RBFOX1: variants seen among roughly 807,000 people sequenced by gnomAD.
RBFOX1 encodes RNA binding fox-1 homolog 1, also known as RNA binding protein fox-1 homolog 1.
RBFOX1 carries 8 observed loss-of-function variants against 57.7 expected under a neutral mutation model. The observed-to-expected ratio is 0.14, with a 90% CI of 0.08 to 0.25. RBFOX1 has a LOEUF of 0.25. RBFOX1 is among the 10% of genes least tolerant of loss of function. RBFOX1 has a pLI of 1.00. For missense variants in RBFOX1, 611 were observed against 548.5 expected, an observed-to-expected ratio of 1.11 and a Z score of -1.14; for synonymous variants, 326 against 222.4, an observed-to-expected ratio of 1.47 and a Z score of -4.15.
intron 1 of RBFOX1, among the ~76,000 whole-genome samples, chr16:6,155,448 A>G (rs2096831710): frequency 6.6e-6 from 1 of 152,206 alleles, no homozygotes; most frequent in Non-Finnish European, 1.5e-5. Context: ...CGTGTGTTTT[A>G]TGATCCGGAA....
At chr16:6,094,088 A>G (rs1027273185) in intron 1 of RBFOX1, among the ~76,000 whole-genome samples, 6 of 152,140 alleles carry the variant, frequency 3.9e-5, no homozygotes, top group African/African-American at 1.4e-4. Context: ...TTGCCATTGA[A>G]AAGACCCCAA....
intron 3 of RBFOX1, among the ~76,000 whole-genome samples, 188 bp downstream of exon 3, chr16:6,654,838 A>T (rs1376768395): frequency 6.6e-6 from 1 of 152,056 alleles, no homozygotes; most frequent in Non-Finnish European, 1.5e-5. Context: ...GTTACTTCTG[A>T]TGGCTTCATG....
rs116044466 is a variant in RBFOX1 at position 6,412,358 on chromosome 16, T to C, written c.-64+95301T>C. On this transcript the variant is annotated intron_variant, in intron 2 of 15. Transcript: ENST00000550418. ...CGCTGGTAGATTTCCTCTGGTCAAC[T>C]TGGATTTCAGTCTTCCGTTTCTACC... 8.9e-3 allele frequency among the ~76,000 whole-genome samples: 1,360 copies of C among 152,276 alleles called. 21 individuals carry two copies. Among genetic ancestry groups the C allele is most frequent in the African/African-American group, 0.03 (1,265 of 41,550 alleles).
intron 3 of RBFOX1, among the ~76,000 whole-genome samples, chr16:6,895,434 GTGTGTGTGTGTGTGTA>G (rs1391904473): frequency 8.7e-5 from 8 of 91,666 alleles, no homozygotes; most frequent in South Asian, 8.3e-4. Context: ...GTGTGTGTGT[GTGTGTGTGTGTGTGTA>G]TATATATATA....
intron 4 of RBFOX1, among the ~76,000 whole-genome samples, chr16:7,294,278 A>G (rs1255689743): frequency 6.6e-6 from 1 of 152,094 alleles, no homozygotes; most frequent in Non-Finnish European, 1.5e-5. Context: ...CACTGGAAAC[A>G]GACTCCCACC....
At chr16:5,705,802 T>C (rs1418983294) in intron 3 of RBFOX1, among the ~76,000 whole-genome samples, 1 of 152,246 alleles carries the variant, frequency 6.6e-6, no homozygotes, top group African/African-American at 2.4e-5. Context: ...GTGCGAGGCC[T>C]CTTGGCTTTG....
At chr16:6,306,008 T>C (rs1416893883) in intron 1 of RBFOX1, among the ~76,000 whole-genome samples, 1 of 152,108 alleles carries the variant, frequency 6.6e-6, no homozygotes, top group Non-Finnish European at 1.5e-5. Context: ...ATGTGGTTTC[T>C]TTCTAGAATT....
At chr16:6,987,412 C>G (rs191689580) in intron 3 of RBFOX1, among the ~76,000 whole-genome samples, 11 of 150,314 alleles carry the variant, frequency 7.3e-5, no homozygotes, top group South Asian at 2.1e-4. Flanking sequence ...GGTTATCTCC[C>G]GAGCCACTAG....
intron 1 of RBFOX1, among the ~76,000 whole-genome samples, chr16:6,219,969 A>G (rs184603017): frequency 1.6e-4 from 24 of 152,306 alleles, no homozygotes; most frequent in African/African-American, 5.1e-4. Flanking sequence ...TAACATAAGT[A>G]TTCAGTAAAT....
intron 4 of RBFOX1, among the ~76,000 whole-genome samples, chr16:7,190,186 C>T (rs1014675859): frequency 6.6e-6 from 1 of 152,048 alleles, no homozygotes; most frequent in Non-Finnish European, 1.5e-5. Flanking sequence ...CATGGTGAAA[C>T]CCCGTCTCTA....
chr16:5,364,102 A>G, intron 1 of RBFOX1, among the ~76,000 whole-genome samples: 1 of 152,222 alleles, frequency 6.6e-6, no homozygotes. Context: ...GGTCCCCTTA[A>G]TTAGGAAGGT....
chr16:6,656,426 G>A (rs1034686098), intron 3 of RBFOX1, among the ~76,000 whole-genome samples: 23 of 152,134 alleles, frequency 1.5e-4, no homozygotes, highest in African/African-American at 5.3e-4. Flanking sequence ...TCTGGGCAAG[G>A]AGAGTCACCC....
At chr16:5,570,614 A>C (rs1345246233) in intron 2 of RBFOX1, among the ~76,000 whole-genome samples, 1 of 152,084 alleles carries the variant, frequency 6.6e-6, no homozygotes, top group African/African-American at 2.4e-5. Flanking sequence ...CCAAGGAAGA[A>C]GGATCACCTG....
intron 2 of RBFOX1, among the ~76,000 whole-genome samples, chr16:6,376,345 C>T (rs548893324): frequency 2.0e-5 from 3 of 152,064 alleles, no homozygotes; most frequent in African/African-American, 7.2e-5. Context: ...CAAAGTATCA[C>T]AAACTAGGTG....
chr16:6,891,066 C>T (rs970901208), intron 3 of RBFOX1, among the ~76,000 whole-genome samples: 1 of 152,174 alleles, frequency 6.6e-6, no homozygotes, highest in African/African-American at 2.4e-5. Flanking sequence ...CCCGTCCCTT[C>T]ACAATTGTTT....
At position 6,567,983 on chromosome 16, in the gene RBFOX1, G is replaced by A. The variant is rs1319060885; in HGVS notation, c.-63-86620G>A. ...CTACAGGCGCATGCCACCATGCCAG[G>A]CTAATTATTTAAATTCTTTGTAGAG... On this transcript the variant is annotated intron_variant, in intron 2 of 15. Coordinates refer to ENST00000550418, the MANE Select transcript of RBFOX1 (RefSeq NM_018723.4). 2.6e-5 allele frequency among the ~76,000 whole-genome samples: 4 copies of A among 152,182 alleles called. No individual in the cohort carries two copies. In the East Asian group the frequency reaches 7.7e-4, roughly 29 times the overall value.
chr16:7,086,160 C>T (rs369710661), intron 4 of RBFOX1, among the ~76,000 whole-genome samples: 6 of 152,104 alleles, frequency 3.9e-5, no homozygotes, highest in South Asian at 2.1e-4. Flanking sequence ...ACAGGTTACT[C>T]GCCACCCGTC....
chr16:7,236,602 A>C (rs1439900623), intron 4 of RBFOX1, among the ~76,000 whole-genome samples: 1 of 152,208 alleles, frequency 6.6e-6, no homozygotes, highest in Non-Finnish European at 1.5e-5. Context: ...CCACCTTTTA[A>C]GGTAGCACAT....
At chr16:7,212,536 G>T (rs956009020) in intron 4 of RBFOX1, among the ~76,000 whole-genome samples, 1 of 152,068 alleles carries the variant, frequency 6.6e-6, no homozygotes, top group African/African-American at 2.4e-5. Flanking sequence ...AGAATAATGG[G>T]ATCAGTCCTG....
Sources: allele counts gnomAD v4.1 joint callset (sites outside exome capture counted in the v4.1 genomes callset), GRCh38; gene constraint gnomAD v4.1.1; transcripts MANE v1.5; gene names NCBI Gene and HGNC (gene_info 2026-07-23, HGNC 2026-07-21).